DPF3: variants seen among roughly 807,000 people sequenced by gnomAD.
The protein encoded by DPF3 is zinc finger protein DPF3.
DPF3 carries 18 observed loss-of-function variants against 56.8 expected under a neutral mutation model. The ratio of observed to expected loss-of-function variants is 0.32; its 90% CI spans 0.22 to 0.47. The LOEUF (loss-of-function observed/expected upper bound fraction) is 0.47, where lower values mean the gene tolerates loss of function less well. Ranked by LOEUF, DPF3 falls within the 20% of genes least tolerant of loss-of-function variation. The pLI is 1.00. For synonymous variants in DPF3, 188 were observed against 180.2 expected, an observed-to-expected ratio of 1.04 and a Z score of -0.35; for missense variants, 403 against 488.8, an observed-to-expected ratio of 0.82 and a Z score of 1.65.
chr14:72,736,306 A>G (rs1889892803), intron 3 of DPF3, among the ~76,000 whole-genome samples: 1 of 152,208 alleles, frequency 6.6e-6, no homozygotes, highest in African/African-American at 2.4e-5. Flanking sequence ...AGCGTATCTC[A>G]ATTCAGACTA....
chr14:72,609,381 C>T lies in DPF3; in HGVS notation c.*9916G>A, dbSNP rs549531146. Among the ~76,000 whole-genome samples the T allele has an allele frequency of 2.6e-5, 4 of 152,298 alleles. No homozygotes were observed. In the South Asian group the frequency reaches 8.3e-4, roughly 32 times the overall value. On this transcript the variant is annotated 3_prime_UTR_variant, in exon 11 of 11. Coordinates refer to ENST00000556509, the MANE Select transcript of DPF3 (RefSeq NM_001280542.3). Reference sequence around the variant, plus strand: ...GAAGAGTGAGTCCCGGGTCAGGAGTCCACATCAGGTGTGGGCTGCTTCCAA... The same window carrying T: ...GAAGAGTGAGTCCCGGGTCAGGAGTTCACATCAGGTGTGGGCTGCTTCCAA...
At chr14:72,636,257 C>T (rs1885380500) in intron 8 of DPF3, among the ~76,000 whole-genome samples, 1 of 152,118 alleles carries the variant, frequency 6.6e-6, no homozygotes, top group Non-Finnish European at 1.5e-5. Flanking sequence ...TATAAAATTC[C>T]TGGTATTTAC....
At chr14:72,818,667 T>G (rs1883397137) in intron 1 of DPF3, among the ~76,000 whole-genome samples, 1 of 152,212 alleles carries the variant, frequency 6.6e-6, no homozygotes. Flanking sequence ...ACAAAGACCT[T>G]GTCTCTAAAA....
At chr14:72,652,843 G>A (rs1885955160) in intron 8 of DPF3, among the ~76,000 whole-genome samples, 1 of 152,170 alleles carries the variant, frequency 6.6e-6, no homozygotes, top group Admixed American at 6.5e-5. Flanking sequence ...GAGTTTGCAA[G>A]GGTTGGGTGA....
chr14:72,818,814 A>C (rs1883404084), intron 1 of DPF3, among the ~76,000 whole-genome samples: 1 of 152,204 alleles, frequency 6.6e-6, no homozygotes, highest in Non-Finnish European at 1.5e-5. Context: ...ATTTTACTAC[A>C]ATTTTTTTAA....
chr14:72,724,818 C>T (rs1006150770), intron 4 of DPF3, among the ~76,000 whole-genome samples: 3 of 151,902 alleles, frequency 2.0e-5, no homozygotes, highest in Non-Finnish European at 2.9e-5. Flanking sequence ...AAGCGATCCT[C>T]CCACCTCAGC....
chr14:72,731,770 G>A (rs1889660000), intron 4 of DPF3, 37 bp downstream of exon 4: 1 of 1,611,936 alleles, frequency 6.2e-7, no homozygotes, highest in African/African-American at 1.3e-5. Context: ...ATGGTGACAG[G>A]AACACTCTGT....
chr14:72,635,190 G>T (rs1885351563), intron 8 of DPF3, among the ~76,000 whole-genome samples: 2 of 152,146 alleles, frequency 1.3e-5, no homozygotes. Context: ...ATCAGCATTT[G>T]GCTTCAGGGT....
rs114231868 is a variant in DPF3, at chr14:72,805,173, C to A, written c.33-33280G>T. On this transcript the variant is annotated intron_variant, in intron 1 of 10. Coordinates refer to ENST00000556509, the MANE Select transcript of DPF3 (RefSeq NM_001280542.3). The stretch of plus-strand genomic sequence containing the variant: ...TGAAGAAGGGGGAAACCTGCAGCTT[C>A]TAAAACTGCACAGAAGGCTGGGCAC... 9.7e-3 allele frequency among the ~76,000 whole-genome samples: 1,473 copies of A among 152,278 alleles called. 28 individuals are homozygous for A. Among genetic ancestry groups the A allele is most frequent in the African/African-American group, 0.034 (1,400 of 41,562 alleles).
chr14:72,649,670 G>A (rs1304733244), intron 8 of DPF3, among the ~76,000 whole-genome samples: 2 of 112,364 alleles, frequency 1.8e-5, no homozygotes, highest in African/African-American at 6.7e-5. Context: ...TGGGGGGGGG[G>A]ATTAATGTAT....
intron 10 of DPF3, among the ~76,000 whole-genome samples, 190 bp downstream of exon 10, chr14:72,619,713 T>C (rs1432257778): frequency 6.6e-6 from 1 of 152,222 alleles, no homozygotes; most frequent in African/African-American, 2.4e-5. Context: ...CTGCTTGGAC[T>C]GTGCCTCAGT....
At chr14:72,784,811 G>A (rs1323445173) in intron 1 of DPF3, among the ~76,000 whole-genome samples, 1 of 152,080 alleles carries the variant, frequency 6.6e-6, no homozygotes, top group African/African-American at 2.4e-5. Context: ...ACAAAAATTA[G>A]CCAGGCTTGG....
intron 1 of DPF3, chr14:72,773,792 C>T (rs1891641712): frequency 2.2e-6 from 1 of 454,312 alleles, no homozygotes; most frequent in African/African-American, 2.0e-5. Context: ...TAGCATATGT[C>T]AGAATTTCCT....
chr14:72,777,402 G>A (rs963299146), intron 1 of DPF3, among the ~76,000 whole-genome samples: 1 of 152,348 alleles, frequency 6.6e-6, no homozygotes, highest in African/African-American at 2.4e-5. Flanking sequence ...AAGTGGTCCT[G>A]TTCCTAATGC....
At chr14:72,641,421 G>A (rs1320074422) in intron 8 of DPF3, among the ~76,000 whole-genome samples, 2 of 152,348 alleles carry the variant, frequency 1.3e-5, no homozygotes, top group Admixed American at 6.5e-5. Context: ...GCCAGCCTCA[G>A]TTTCTGTCCT....
chr14:72,791,760 A>G (rs1183423052), intron 1 of DPF3, among the ~76,000 whole-genome samples: 1 of 152,224 alleles, frequency 6.6e-6, no homozygotes, highest in Non-Finnish European at 1.5e-5. Flanking sequence ...AAGGAATTTA[A>G]CCAAAACCTC....
chr14:72,649,961 TC>T (rs1417417545), intron 8 of DPF3, among the ~76,000 whole-genome samples: 2 of 152,128 alleles, frequency 1.3e-5, no homozygotes, highest in African/African-American at 4.8e-5. Flanking sequence ...GAAAGACCCT[TC>T]CCCTGACACA....
chr14:72,869,929 C>A (rs990748310), intron 1 of DPF3, among the ~76,000 whole-genome samples: 1 of 152,010 alleles, frequency 6.6e-6, no homozygotes, highest in South Asian at 2.1e-4. Flanking sequence ...AGATTCAGAG[C>A]AGTCAGTTCA....
At chr14:72,693,499 C>T (rs974967924) in intron 6 of DPF3, among the ~76,000 whole-genome samples, 1 of 152,234 alleles carries the variant, frequency 6.6e-6, no homozygotes, top group East Asian at 1.9e-4. Context: ...CACTTGACCT[C>T]TCTGTGCCTC....
Sources: allele counts gnomAD v4.1 joint callset (sites outside exome capture counted in the v4.1 genomes callset), GRCh38; gene constraint gnomAD v4.1.1; transcripts MANE v1.5; gene names NCBI Gene and HGNC (gene_info 2026-07-23, HGNC 2026-07-21).